Variants in NBEAL1 observed in about 807,000 individuals in gnomAD.
NBEAL1 encodes neurobeachin like 1.
NBEAL1 carries 273 observed loss-of-function variants against 351.3 expected under a neutral mutation model. The ratio of observed to expected loss-of-function variants is 0.78; its 90% CI spans 0.70 to 0.86. NBEAL1 has a LOEUF of 0.86. NBEAL1 is among the 40% of genes least tolerant of loss of function. NBEAL1 has a pLI of 0.00. For missense variants in NBEAL1, 2,961 were observed against 3,201.3 expected (o/e 0.92, Z 1.81); for synonymous variants, 1,050 against 1,086.4 (o/e 0.97, Z 0.66).
intron 8 of NBEAL1, among the ~76,000 whole-genome samples, chr2:203,081,273 T>A (rs78248310): frequency 0.016 from 2,423 of 152,342 alleles, 70 homozygotes; most frequent in African/African-American, 0.056. Context: ...ATTGGCATAT[T>A]TGAAACCTGT....
At chr2:203,026,496 G>T (rs1322559952) in intron 2 of NBEAL1, among the ~76,000 whole-genome samples, 1 of 151,056 alleles carries the variant, frequency 6.6e-6, no homozygotes, top group Non-Finnish European at 1.5e-5. Flanking sequence ...TTCAGTAGTT[G>T]CCATTTTAAA....
In NBEAL1 at chr2:203,135,890, G is replaced by GA. The variant is rs1489462934; in HGVS notation, c.4033dup (p.Ile1345AsnfsTer8). 1.9e-6 allele frequency: 3 copies of GA among 1,613,978 alleles called. No individual in the cohort carries two copies. The highest frequency in any genetic ancestry group is 1.7e-6 in the Non-Finnish European group (2 of 1,179,942). ...GAACTCTGATGAAAAAACAGATGAG[G>GA]AAAAAATCACCTCTTTTGCCTCAGC... On this transcript the variant is annotated frameshift_variant, in exon 28 of 56. Coordinates refer to ENST00000683969, the MANE Select transcript of NBEAL1 (RefSeq NM_001378026.1). LOFTEE classifies it high-confidence loss of function.
chr2:203,020,444 A>G (rs1470821652), intron 2 of NBEAL1, among the ~76,000 whole-genome samples: 2 of 152,086 alleles, frequency 1.3e-5, no homozygotes, highest in Non-Finnish European at 2.9e-5. Context: ...GCTGAGGTGG[A>G]TGGATCATTT....
In NBEAL1 at chr2:203,208,638, G is replaced by A. The variant is rs2065678706; in HGVS notation, c.7508G>A (p.Gly2503Glu). 6.2e-7 allele frequency: 1 copy of A among 1,601,464 alleles called. No individual in the cohort carries two copies. Among genetic ancestry groups the A allele is most frequent in the Admixed American group, 1.7e-5 (1 of 57,782 alleles). The change falls in exon 52 of 56, where the codon GGA (glycine) becomes GAA (glutamate). Residue 2503 changes from glycine to glutamate, a missense_variant and splice_region_variant. Coordinates refer to ENST00000683969, the MANE Select transcript of NBEAL1 (RefSeq NM_001378026.1). ...TTTGCTTTTCTCTTGTATTATTAGG[G>A]AGGTGTTCCTGTGGGCTTAGCATCT... ...TCMIWQITQQ[G>E]GVPVGLASKP...
In NBEAL1 at chr2:203,224,123, G is replaced by T. The variant is rs903982523; in HGVS notation, c.*6769G>T. Among the ~76,000 whole-genome samples the T allele has an allele frequency of 3.3e-5, 5 of 151,760 alleles. No homozygotes were observed. Among genetic ancestry groups the T allele is most frequent in the Non-Finnish European group, 7.4e-5 (5 of 67,858 alleles). Reference sequence around the variant, plus strand: ...TTTCTATTTTTCTTCCAAAACTATGGCATGTTATAGTAGATCTTACTATTA... The same window carrying T: ...TTTCTATTTTTCTTCCAAAACTATGTCATGTTATAGTAGATCTTACTATTA... On this transcript the variant is annotated 3_prime_UTR_variant, in exon 56 of 56. Transcript: ENST00000683969.
rs1315391796 is a variant in NBEAL1, at chr2:203,216,275, T to C, written c.8071-978T>C. On this transcript the variant is annotated intron_variant, in intron 55 of 55. Coordinates refer to ENST00000683969, the MANE Select transcript of NBEAL1 (RefSeq NM_001378026.1). ...ATGCTCTCCTTGTTTTCTACATTAC[T>C]TTTTATCATTCTGTTGTTAAATATT... Among the ~76,000 whole-genome samples, 3 of 152,218 alleles carry C rather than the reference T, an allele frequency of 2.0e-5. No individual in the cohort carries two copies. The East Asian group carries it at 5.8e-4, about 29-fold the overall frequency.
chr2:203,091,274 T>C (rs1026361808), intron 10 of NBEAL1, among the ~76,000 whole-genome samples: 4 of 152,234 alleles, frequency 2.6e-5, no homozygotes, highest in African/African-American at 9.6e-5. Flanking sequence ...CTTAGCATAG[T>C]GTCCTCAAGA....
At chr2:203,056,282 T>C in intron 4 of NBEAL1, 145 bp from the exon 5 acceptor site, 2 of 641,924 alleles carry the variant, frequency 3.1e-6, no homozygotes, top group Non-Finnish European at 5.7e-6. Flanking sequence ...AAAGCAGTTA[T>C]ATAACCATAT....
chr2:203,168,644 C>G (rs1289045714), intron 38 of NBEAL1, among the ~76,000 whole-genome samples: 2 of 151,994 alleles, frequency 1.3e-5, no homozygotes, highest in Non-Finnish European at 2.9e-5. Flanking sequence ...GCCTATAGTC[C>G]TAGCACTTTG....
intron 7 of NBEAL1, among the ~76,000 whole-genome samples, chr2:203,070,194 A>G (rs1396093816): frequency 6.6e-6 from 1 of 150,942 alleles, no homozygotes; most frequent in Admixed American, 6.6e-5. Context: ...ATGGACATTG[A>G]CTTTTTTTTT....
chr2:203,186,117 A>G (rs2064890762), intron 44 of NBEAL1, among the ~76,000 whole-genome samples: 1 of 152,250 alleles, frequency 6.6e-6, no homozygotes, highest in South Asian at 2.1e-4. Flanking sequence ...TCTATGTCAC[A>G]GGTACTCAGT....
intron 8 of NBEAL1, among the ~76,000 whole-genome samples, chr2:203,082,964 C>G (rs2061898500): frequency 6.6e-6 from 1 of 152,166 alleles, no homozygotes; most frequent in African/African-American, 2.4e-5. Context: ...TAGTCTACTA[C>G]CATATATCCT....
intron 55 of NBEAL1, among the ~76,000 whole-genome samples, chr2:203,214,549 C>T (rs762824298): frequency 2.0e-5 from 3 of 152,012 alleles, no homozygotes; most frequent in East Asian, 1.9e-4. Context: ...CCGAGACGAG[C>T]GGATCACTTG....
At chr2:203,172,627 A>G in intron 40 of NBEAL1, 102 bp from the exon 41 acceptor site, 7 of 982,276 alleles carry the variant, frequency 7.1e-6, no homozygotes, top group Non-Finnish European at 1.0e-5. Context: ...ATATTTTTAG[A>G]GACTATCCCT....
intron 36 of NBEAL1, among the ~76,000 whole-genome samples, chr2:203,160,380 C>T (rs1575063541): frequency 6.6e-6 from 1 of 152,296 alleles, no homozygotes; most frequent in East Asian, 1.9e-4. Context: ...CACGCCCGGC[C>T]TGGTTCTTTT....
chr2:203,213,705 G>T, intron 55 of NBEAL1, 52 bp downstream of exon 55: 3 of 1,606,316 alleles, frequency 1.9e-6, no homozygotes, highest in Non-Finnish European at 2.5e-6. Flanking sequence ...GGATTACTTT[G>T]GTTCTCCTTC....
chr2:203,145,232 A>G lies in NBEAL1; in HGVS notation c.5304+72A>G, dbSNP rs1337632360. 13 of 1,315,854 alleles carry G rather than the reference A, an allele frequency of 9.9e-6. No homozygotes were observed. In the East Asian group the frequency reaches 3.2e-4, roughly 32 times the overall value. The allele number at this position is 1,315,854 out of a possible 1,614,324, so 81.5% of individuals were successfully genotyped here. ...GCATTTAATATTGATTAAGAGTAAT[A>G]CAGGCCCCAAACTTTAAAACAAGCA... On this transcript the variant is annotated intron_variant, in intron 33 of 55. Coordinates refer to ENST00000683969, the MANE Select transcript of NBEAL1 (RefSeq NM_001378026.1).
Position 203,056,299 on chromosome 2 carries a change from T to C in NBEAL1, c.306-128T>C. 4.5e-6 allele frequency: 3 copies of C among 666,784 alleles called. No individual in the cohort carries two copies. The South Asian group carries it at 5.0e-5, about 11-fold the overall frequency. The allele number at this position is 666,784 out of a possible 1,614,324, so 41.3% of individuals were successfully genotyped here. On this transcript the variant is annotated intron_variant, in intron 4 of 55. Transcript: ENST00000683969. ...AGCAGTTATATAACCATATTGATTT[T>C]TATGTTTTAATAAATGTCATTTGCA... is the stretch of plus-strand genomic sequence containing the variant.
chr2:203,051,955 T>C (rs2061331023), intron 4 of NBEAL1, among the ~76,000 whole-genome samples: 1 of 152,160 alleles, frequency 6.6e-6, no homozygotes, highest in Non-Finnish European at 1.5e-5. Context: ...ACCCCTCAGT[T>C]TCCTCTATTA....
Sources: gnomAD v4.1 joint callset for allele counts (sites outside exome capture counted in the v4.1 genomes callset) on GRCh38, gnomAD v4.1.1 for gene constraint, MANE v1.5 for transcripts, NCBI Gene and HGNC (gene_info 2026-07-23, HGNC 2026-07-21) for gene names.